The following LHFPL3 variants were observed in gnomAD, a reference collection of about 807,000 sequenced individuals.
LHFPL3 encodes the protein LHFPL tetraspan subfamily member 3.
LHFPL3 carries 5 observed loss-of-function variants against 19.3 expected under a neutral mutation model. The ratio of observed to expected loss-of-function variants is 0.26; its 90% CI spans 0.14 to 0.54. The LOEUF (loss-of-function observed/expected upper bound fraction) is 0.54, where lower values mean the gene tolerates loss of function less well. Ranked by LOEUF, LHFPL3 falls within the 20% of genes least tolerant of loss-of-function variation. LHFPL3 has a pLI of 0.94. For missense variants in LHFPL3, 249 were observed against 307.4 expected, an observed-to-expected ratio of 0.81 and a Z score of 1.42; for synonymous variants, 133 against 126.2, an observed-to-expected ratio of 1.05 and a Z score of -0.36.
Position 104,899,412 on chromosome 7 carries a change from T to C in LHFPL3, c.683-6775T>C, listed in dbSNP as rs79945470. Among the ~76,000 whole-genome samples, 1,048 of 151,460 alleles carry C rather than the reference T, an allele frequency of 6.9e-3. 17 individuals are homozygous for C. Among genetic ancestry groups the C allele is most frequent in the African/African-American group, 0.023 (969 of 41,258 alleles). On this transcript the variant is annotated intron_variant, in intron 2 of 2. Coordinates refer to ENST00000424859, the MANE Select transcript of LHFPL3 (RefSeq NM_199000.3). ...GAAACATATTATCAAGGAAGGCCAATTGACTTCAAGATGATATTTGGAGAA... is the reference window on the plus strand; with the variant it reads ...GAAACATATTATCAAGGAAGGCCAACTGACTTCAAGATGATATTTGGAGAA...
At chr7:104,763,543 A>G (rs1794410216) in intron 2 of LHFPL3, among the ~76,000 whole-genome samples, 2 of 152,238 alleles carry the variant, frequency 1.3e-5, no homozygotes, top group Non-Finnish European at 1.5e-5. Flanking sequence ...TCTGCACACC[A>G]CTTAGCCTCC....
At chr7:104,781,026 C>A (rs2116423204) in intron 2 of LHFPL3, among the ~76,000 whole-genome samples, 1 of 152,274 alleles carries the variant, frequency 6.6e-6, no homozygotes, top group South Asian at 2.1e-4. Flanking sequence ...TGAAGTCCAT[C>A]AGGATGCCAA....
intron 2 of LHFPL3, among the ~76,000 whole-genome samples, chr7:104,747,395 A>T (rs1288871539): frequency 6.6e-6 from 1 of 152,222 alleles, no homozygotes; most frequent in East Asian, 1.9e-4. Flanking sequence ...GAGGGAAGAG[A>T]TTCTGCCCAG....
At chr7:104,861,407 G>C (rs1791616870) in intron 2 of LHFPL3, among the ~76,000 whole-genome samples, 1 of 152,190 alleles carries the variant, frequency 6.6e-6, no homozygotes, top group African/African-American at 2.4e-5. Flanking sequence ...GCCTGCATCA[G>C]TCAGATACCA....
At chr7:104,650,899 T>G (rs1792021189) in intron 1 of LHFPL3, among the ~76,000 whole-genome samples, 1 of 152,210 alleles carries the variant, frequency 6.6e-6, no homozygotes, top group African/African-American at 2.4e-5. Context: ...ATGATTCATG[T>G]TGTCAAAGAG....
chr7:104,657,154 C>A (rs529290205), intron 1 of LHFPL3, among the ~76,000 whole-genome samples: 1 of 152,228 alleles, frequency 6.6e-6, no homozygotes, highest in African/African-American at 2.4e-5. Flanking sequence ...ATTGATATTA[C>A]GAATTCCTCT....
rs960106190 is a variant in LHFPL3 at position 104,906,555 on chromosome 7, G to A, written c.*340G>A. ...TAGAGTTAACATGTAAAATATATAC[G>A]TACTGAGGTTTGTAAACTGTCCTTT... On this transcript the variant is annotated 3_prime_UTR_variant, in exon 3 of 3. Transcript: ENST00000424859. The A allele has an allele frequency of 1.1e-5, 3 of 269,188 alleles. No individual in the cohort carries two copies. The highest frequency in any genetic ancestry group is 1.3e-4 in the South Asian group (1 of 7,970). The allele number at this position is 269,188 out of a possible 1,614,324, so 16.7% of individuals were successfully genotyped here.
chr7:104,690,175 G>A (rs919001144), intron 1 of LHFPL3, among the ~76,000 whole-genome samples: 1 of 152,264 alleles, frequency 6.6e-6, no homozygotes. Flanking sequence ...GAGAACGACA[G>A]TGGGTTATTG....
intron 1 of LHFPL3, among the ~76,000 whole-genome samples, chr7:104,570,966 A>G (rs1364351131): frequency 6.6e-6 from 1 of 152,176 alleles, no homozygotes; most frequent in Non-Finnish European, 1.5e-5. Flanking sequence ...TTTTGTAAAG[A>G]CTCAGACATT....
At chr7:104,406,582 T>A (rs1791416889) in intron 1 of LHFPL3, among the ~76,000 whole-genome samples, 1 of 152,124 alleles carries the variant, frequency 6.6e-6, no homozygotes, top group African/African-American at 2.4e-5. Context: ...CTAACCCGGG[T>A]CTTCTGATCC....
At chr7:104,832,674 G>A (rs1301861447) in intron 2 of LHFPL3, among the ~76,000 whole-genome samples, 11 of 138,414 alleles carry the variant, frequency 7.9e-5, no homozygotes, top group African/African-American at 3.0e-4. Flanking sequence ...CAAACCAGAT[G>A]GTTAGAATAA....
At chr7:104,632,420 T>C (rs1235447128) in intron 1 of LHFPL3, among the ~76,000 whole-genome samples, 2 of 152,224 alleles carry the variant, frequency 1.3e-5, no homozygotes, top group African/African-American at 2.4e-5. Flanking sequence ...TTTTAAACTA[T>C]TATGTGAATT....
chr7:104,458,255 C>A (rs1009190296), intron 1 of LHFPL3, among the ~76,000 whole-genome samples: 1 of 152,024 alleles, frequency 6.6e-6, no homozygotes, highest in Non-Finnish European at 1.5e-5. Context: ...TTAGGTCTAA[C>A]GTTTAAGTCT....
At chr7:104,600,332 T>C (rs1320903377) in intron 1 of LHFPL3, among the ~76,000 whole-genome samples, 1 of 152,212 alleles carries the variant, frequency 6.6e-6, no homozygotes, top group African/African-American at 2.4e-5. Flanking sequence ...CTCTGCTCTG[T>C]GGAGAATCAA....
At chr7:104,607,346 A>G (rs58665172) in intron 1 of LHFPL3, among the ~76,000 whole-genome samples, 1,898 of 152,340 alleles carry the variant, frequency 0.012, 33 homozygotes, top group African/African-American at 0.043. Context: ...TCAATCACAG[A>G]GGACTGCACA....
intron 2 of LHFPL3, among the ~76,000 whole-genome samples, chr7:104,789,050 A>T (rs929463204): frequency 9.2e-5 from 14 of 152,316 alleles, no homozygotes; most frequent in Admixed American, 3.3e-4. Context: ...ATGCTTTTTT[A>T]AAAAATGTGT....
intron 1 of LHFPL3, among the ~76,000 whole-genome samples, chr7:104,505,716 G>A (rs887712607): frequency 7.2e-5 from 11 of 152,184 alleles, no homozygotes; most frequent in Admixed American, 2.0e-4. Context: ...GAATCCAATT[G>A]AGTATTCAAA....
rs189780891 is a variant in LHFPL3 at position 104,872,747 on chromosome 7, C to T, written c.683-33440C>T. 5.9e-5 allele frequency among the ~76,000 whole-genome samples: 9 copies of T among 152,248 alleles called. 1 individual carries two copies. Among genetic ancestry groups the T allele is most frequent in the Middle Eastern group, 6.8e-3 (2 of 292 alleles). On this transcript the variant is annotated intron_variant, in intron 2 of 2. Transcript: ENST00000424859. ...GAAGGTCCTTGGGGACAATAACACA[C>T]GGAGCTGTCATCTTCTATGATAACC...
At chr7:104,626,496 A>C (rs1328548115) in intron 1 of LHFPL3, among the ~76,000 whole-genome samples, 2 of 152,320 alleles carry the variant, frequency 1.3e-5, no homozygotes, top group African/African-American at 4.8e-5. Flanking sequence ...TCCAGTGTAG[A>C]AATCCATGCA....
Sources: gnomAD v4.1 joint callset for allele counts (sites outside exome capture counted in the v4.1 genomes callset) on GRCh38, gnomAD v4.1.1 for gene constraint, MANE v1.5 for transcripts, NCBI Gene and HGNC (gene_info 2026-07-23, HGNC 2026-07-21) for gene names.